The following TDRKH variants were observed in gnomAD, a reference collection of about 807,000 sequenced individuals.
The protein encoded by TDRKH is tudor and KH domain-containing protein.
In TDRKH, 28 loss-of-function variants were observed where a neutral mutation model predicts 61.3. That is an observed-to-expected ratio of 0.46 (90% CI 0.34 to 0.63). TDRKH has a LOEUF of 0.63. Ranked by LOEUF, TDRKH falls within the 20% of genes least tolerant of loss-of-function variation. TDRKH has a pLI of 0.01. For missense variants in TDRKH, 540 were observed against 683.4 expected (o/e 0.79, Z 2.34); for synonymous variants, 219 against 244.4 (o/e 0.90, Z 0.97).
rs1274156332 is a variant in TDRKH at position 151,776,219 on chromosome 1, G to T, written c.1094C>A (p.Pro365His). The T allele has an allele frequency of 6.2e-7, 1 of 1,614,170 alleles. No homozygotes were observed. The highest frequency in any genetic ancestry group is 1.1e-5 in the South Asian group (1 of 91,082). The change falls in exon 8 of 13, where the codon CCT becomes CAT. Residue 365 changes from proline (P) to histidine (H), a missense_variant. Coordinates refer to ENST00000368824, the MANE Select transcript of TDRKH (RefSeq NM_001083965.2). ...HVGDIVAAPL[P>H]TNGSWYRARV... ...GGCTCGATACCAGGAACCATTTGTA[G>T]GTAAAGGTGCTGCTACAATGTCTCC...
rs1558140176 is a variant in TDRKH at position 151,776,441 on chromosome 1, C to T, written c.1042G>A (p.Val348Met). 2.5e-6 allele frequency: 4 copies of T among 1,614,234 alleles called. No individual in the cohort carries two copies. Among genetic ancestry groups the T allele is most frequent in the Non-Finnish European group, 3.4e-6 (4 of 1,180,028 alleles). ...GCCCTGTCCCTATGGCAACTCACCA[C>T]ACTATTCTCATAGTGCTGGGTCATC... ...NEMTQHYENS[V>M]PEDLTVHVGD... The change falls in exon 7 of 13, where the codon GTG (valine) becomes ATG (methionine). Residue 348 changes from valine to methionine, a missense_variant and splice_region_variant. This residue lies in a region of TDRKH where 379 missense variants were observed against 443.8 expected (regional missense o/e 0.85). Transcript: ENST00000368824.
downstream of TDRKH, chr1:151,767,227 G>C: frequency 6.2e-7 from 1 of 1,614,038 alleles, no homozygotes; most frequent in Non-Finnish European, 8.5e-7. Flanking sequence ...GTGCTCCTGA[G>C]TCCCTAGTAG....
At chr1:151,788,533 T>G (rs1489201778) in intron 1 of TDRKH, among the ~76,000 whole-genome samples, 2 of 152,194 alleles carry the variant, frequency 1.3e-5, no homozygotes, top group African/African-American at 4.8e-5. Flanking sequence ...TTGATGCTTA[T>G]GGGGCATAGA....
chr1:151,768,192 G>A (rs1392864401), downstream of TDRKH: 2 of 1,613,662 alleles, frequency 1.2e-6, no homozygotes, highest in African/African-American at 1.3e-5. Context: ...GACTCTTCCT[G>A]GATATCCCAT....
chr1:151,780,091 C>T lies in TDRKH; in HGVS notation c.281G>A (p.Gly94Asp). The change falls in exon 4 of 13, where the codon GGC becomes GAC. Residue 94 changes from glycine (G) to aspartate (D), a missense_variant. Physicochemically the swap from Gly to Asp is moderately conservative, Grantham distance 94. Around this residue, in one of 3 missense-constraint regions of TDRKH, gnomAD observed 156 missense variants for 218.0 expected, o/e 0.72. Transcript: ENST00000368824. Reference sequence around the variant, plus strand: ...ACTGATAAGCAGCACTCGCTCATCGCCTACATCCTCTGTGTCCACATCAAT... The same window carrying T: ...ACTGATAAGCAGCACTCGCTCATCGTCTACATCCTCTGTGTCCACATCAAT... Reference protein sequence around the residue: ...ARIDVDTEDVGDERVLLISGF... With the variant: ...ARIDVDTEDVDDERVLLISGF... 1.9e-6 allele frequency: 3 copies of T among 1,614,160 alleles called. No homozygotes were observed. The highest frequency in any genetic ancestry group is 1.7e-6 in the Non-Finnish European group (2 of 1,179,996).
At chr1:151,776,329 T>G in intron 7 of TDRKH, 61 bp from the exon 8 acceptor site, 11 of 1,596,194 alleles carry the variant, frequency 6.9e-6, no homozygotes, top group Non-Finnish European at 8.5e-6. Flanking sequence ...ATAAACAGAA[T>G]TGCAGGAGGA....
chr1:151,774,301 C>T lies in TDRKH; in HGVS notation c.*151G>A, dbSNP rs999558998. 1.4e-5 allele frequency: 10 copies of T among 712,066 alleles called. No homozygotes were observed. In the African/African-American group the frequency reaches 1.4e-4, roughly 10 times the overall value. 44.1% of individuals were successfully genotyped at this position (712,066 alleles called of 1,614,324 possible). The stretch of plus-strand genomic sequence containing the variant: ...AGCAAGTTAAGCTGCAGGAAAGCAG[C>T]TGCAGAGAAGTATATTAAGACAGGG... On this transcript the variant is annotated 3_prime_UTR_variant, in exon 13 of 13. Transcript: ENST00000368824.
intron 1 of TDRKH, among the ~76,000 whole-genome samples, chr1:151,784,178 TC>T (rs2101615922): frequency 6.6e-6 from 1 of 152,314 alleles, no homozygotes; most frequent in South Asian, 2.1e-4. Flanking sequence ...TGCTGTTCTC[TC>T]CTGTGACCAC....
At chr1:151,768,083 C>T (rs762459816), downstream of TDRKH, 5 of 1,613,890 alleles carry the variant, frequency 3.1e-6, no homozygotes, top group African/African-American at 6.7e-5. Context: ...GTGCTGGCTA[C>T]TGACCCCCTG....
chr1:151,789,252 T>C (rs576845255), intron 1 of TDRKH, among the ~76,000 whole-genome samples: 2 of 152,350 alleles, frequency 1.3e-5, no homozygotes, highest in South Asian at 2.1e-4. Flanking sequence ...GAATTTGTGC[T>C]AATTGAGTTA....
chr1:151,767,234 G>C, downstream of TDRKH: 1 of 1,614,032 alleles, frequency 6.2e-7, no homozygotes, highest in African/African-American at 1.3e-5. Context: ...TGAGTCCCTA[G>C]TAGGCCTCCA....
intron 1 of TDRKH, among the ~76,000 whole-genome samples, chr1:151,787,780 T>C (rs1337599884): frequency 8.4e-6 from 1 of 119,034 alleles, no homozygotes; most frequent in Non-Finnish European, 1.6e-5. Flanking sequence ...AAGACTAGCC[T>C]GGGCAACATA....
Position 151,774,445 on chromosome 1 carries a change from C to T in TDRKH, c.*7G>A, listed in dbSNP as rs779348669. ...AGCAGATGGCTGAGCAAACTGAAGC[C>T]CAGACTTCAGAGTAAGTAGTCATCT... On this transcript the variant is annotated 3_prime_UTR_variant, in exon 13 of 13. Coordinates refer to ENST00000368824, the MANE Select transcript of TDRKH (RefSeq NM_001083965.2). The T allele has an allele frequency of 3.1e-6, 5 of 1,613,974 alleles. No individual in the cohort carries two copies. In the South Asian group the frequency reaches 5.5e-5, roughly 18 times the overall value.
downstream of TDRKH, chr1:151,766,764 T>A: frequency 6.4e-7 from 1 of 1,563,108 alleles, no homozygotes; most frequent in Non-Finnish European, 8.7e-7. Flanking sequence ...CTCCCTTTCT[T>A]ATATCAAGAG....
rs1277805121 is a variant in TDRKH, at chr1:151,779,933, G to A, written c.421+18C>T. On this transcript the variant is annotated intron_variant, in intron 4 of 12. Coordinates refer to ENST00000368824, the MANE Select transcript of TDRKH (RefSeq NM_001083965.2). ...GTAAAGAATAAAGGAAACAATAGAG[G>A]AAGCCATCCAGTGGTACCTATGATT... 1.3e-6 allele frequency: 2 copies of A among 1,596,024 alleles called. No individual in the cohort carries two copies. The highest frequency in any genetic ancestry group is 1.7e-5 in the Admixed American group (1 of 59,374).
chr1:151,767,574 T>A (rs1648408093), downstream of TDRKH: 2 of 463,064 alleles, frequency 4.3e-6, no homozygotes, highest in Admixed American at 8.4e-5. Context: ...TAAAGCTGTT[T>A]ATGCCAAGAT....
In TDRKH at chr1:151,774,177, A is replaced by T. The variant is rs1648928084; in HGVS notation, c.*275T>A. Reference sequence around the variant, plus strand: ...GTGTAATAAAGGAAGGACTGCATGGATCCTTTATCATACACTCCTCTCCTC... The same window carrying T: ...GTGTAATAAAGGAAGGACTGCATGGTTCCTTTATCATACACTCCTCTCCTC... On this transcript the variant is annotated 3_prime_UTR_variant, in exon 13 of 13. Coordinates refer to ENST00000368824, the MANE Select transcript of TDRKH (RefSeq NM_001083965.2). 1.1e-5 allele frequency: 5 copies of T among 450,292 alleles called. No homozygotes were observed. In the South Asian group the frequency reaches 1.6e-4, roughly 14 times the overall value. 27.9% of individuals were successfully genotyped at this position (450,292 alleles called of 1,614,324 possible).
Position 151,778,772 on chromosome 1 carries a change from A to C in TDRKH, c.796T>G (p.Ser266Ala), listed in dbSNP as rs369083937. The C allele has an allele frequency of 6.2e-6, 10 of 1,614,014 alleles. No homozygotes were observed. In the African/African-American group the frequency reaches 1.3e-4, roughly 22 times the overall value. ...KGGGDMAVVV[S>A]KEGSWEKPSD... ...GGTTTCTCCCAGGAACCTTCCTTTG[A>C]CACTACCACAGCCATGTCGCCTCCT... The change falls in exon 6 of 13, where the codon TCA becomes GCA. Residue 266 changes from serine (S) to alanine (A), a missense_variant. Transcript: ENST00000368824.
downstream of TDRKH, chr1:151,767,465 C>G: frequency 7.3e-7 from 1 of 1,361,180 alleles, no homozygotes; most frequent in Non-Finnish European, 9.6e-7. Context: ...GGCCCACAGA[C>G]TGTAAAATCA....
Sources: gnomAD v4.1 joint callset for allele counts (sites outside exome capture counted in the v4.1 genomes callset) on GRCh38, gnomAD v4.1.1 for gene constraint, gnomAD v4.1.1 regional missense constraint, MANE v1.5 for transcripts, NCBI Gene and HGNC (gene_info 2026-07-23, HGNC 2026-07-21) for gene names.